Variants in OSBPL10 observed in about 807,000 individuals in gnomAD.
OSBPL10 encodes oxysterol-binding protein-related protein 10.
A neutral mutation model predicts 81.7 loss-of-function variants in OSBPL10; 49 were observed. The ratio of observed to expected loss-of-function variants is 0.60; its 90% CI spans 0.48 to 0.76. OSBPL10 has a LOEUF of 0.76. OSBPL10 is among the 30% of genes least tolerant of loss of function. The probability of loss-of-function intolerance (pLI) is 0.00; values close to 1 mark genes in which losing one functional copy is unlikely to be tolerated. For synonymous variants in OSBPL10, 419 were observed against 383.6 expected, an observed-to-expected ratio of 1.09 and a Z score of -1.08; for missense variants, 923 against 987.8, an observed-to-expected ratio of 0.93 and a Z score of 0.88.
chr3:32,024,883 C>T (rs1164435598), intron 2 of OSBPL10, among the ~76,000 whole-genome samples: 1 of 152,074 alleles, frequency 6.6e-6, no homozygotes, highest in African/African-American at 2.4e-5. Context: ...TTTATTAGTT[C>T]TAGATTTGTG....
chr3:31,728,806 A>C (rs1160373736), intron 6 of OSBPL10, among the ~76,000 whole-genome samples: 1 of 152,216 alleles, frequency 6.6e-6, no homozygotes, highest in South Asian at 2.1e-4. Context: ...ATACAGGTTG[A>C]GTATCCCTCA....
chr3:31,984,217 T>A (rs1698901876), upstream of OSBPL10, among the ~76,000 whole-genome samples: 1 of 152,084 alleles, frequency 6.6e-6, no homozygotes, highest in African/African-American at 2.4e-5. Flanking sequence ...TTTTTTTGTA[T>A]TTTTAGTAGA....
intron 1 of OSBPL10, among the ~76,000 whole-genome samples, chr3:31,966,753 T>A (rs1449213612): frequency 6.6e-6 from 1 of 151,650 alleles, no homozygotes; most frequent in African/African-American, 2.4e-5. Context: ...ACAAACAACC[T>A]GATTGAAATC....
chr3:31,754,901 G>A (rs1220762382), intron 4 of OSBPL10, among the ~76,000 whole-genome samples: 3 of 152,036 alleles, frequency 2.0e-5, no homozygotes, highest in African/African-American at 4.8e-5. Context: ...AGATATTTTG[G>A]TTATTATGTT....
chr3:31,932,650 T>C (rs1697281643), intron 1 of OSBPL10, among the ~76,000 whole-genome samples: 1 of 152,094 alleles, frequency 6.6e-6, no homozygotes. Flanking sequence ...ACACTCCCCA[T>C]GTCACAAAGA....
At chr3:31,698,740 G>A (rs1294759090) in intron 7 of OSBPL10, among the ~76,000 whole-genome samples, 1 of 152,126 alleles carries the variant, frequency 6.6e-6, no homozygotes, top group Non-Finnish European at 1.5e-5. Flanking sequence ...TGCTCACATG[G>A]CTGGCTCCCT....
At chr3:32,018,960 G>A (rs551124770) in intron 2 of OSBPL10, among the ~76,000 whole-genome samples, 1 of 151,982 alleles carries the variant, frequency 6.6e-6, no homozygotes, top group South Asian at 2.1e-4. Flanking sequence ...GATTCACAAG[G>A]GAGAAATGAG....
At chr3:31,817,560 A>ACACCCG (rs1412289880) in intron 4 of OSBPL10, among the ~76,000 whole-genome samples, 3 of 151,670 alleles carry the variant, frequency 2.0e-5, no homozygotes, top group Non-Finnish European at 4.4e-5. Context: ...AGCTGCACCC[A>ACACCCG]CACCCACACC....
upstream of OSBPL10, among the ~76,000 whole-genome samples, chr3:31,986,092 G>A (rs1229820793): frequency 6.6e-6 from 1 of 152,114 alleles, no homozygotes; most frequent in Admixed American, 6.6e-5. Context: ...CTCAGTGCCT[G>A]GAATTCCATT....
chr3:31,712,876 T>G (rs1696305384), intron 6 of OSBPL10, among the ~76,000 whole-genome samples: 1 of 152,158 alleles, frequency 6.6e-6, no homozygotes, highest in South Asian at 2.1e-4. Context: ...GCTTTGTTTT[T>G]CTAATCACTT....
intron 4 of OSBPL10, among the ~76,000 whole-genome samples, chr3:31,749,956 G>A (rs576223623): frequency 1.3e-5 from 2 of 151,864 alleles, no homozygotes; most frequent in African/African-American, 4.8e-5. Flanking sequence ...TAAGGCGGGT[G>A]GATCACTTGA....
At chr3:31,843,848 AGTC>A (rs1397828926) in intron 3 of OSBPL10, among the ~76,000 whole-genome samples, 1 of 152,214 alleles carries the variant, frequency 6.6e-6, no homozygotes, top group African/African-American at 2.4e-5. Flanking sequence ...GTGCTCAGGG[AGTC>A]ACATGTTAAC....
chr3:31,729,361 G>C (rs1373886875), intron 6 of OSBPL10, among the ~76,000 whole-genome samples: 1 of 152,100 alleles, frequency 6.6e-6, no homozygotes, highest in African/African-American at 2.4e-5. Flanking sequence ...ATTTGATATG[G>C]GAATTAGGTG....
intron 3 of OSBPL10, among the ~76,000 whole-genome samples, chr3:31,869,854 T>A (rs914756949): frequency 1.3e-5 from 2 of 152,244 alleles, no homozygotes; most frequent in Non-Finnish European, 2.9e-5. Flanking sequence ...TGGATGAAGC[T>A]CACACTAGTA....
rs1698981679 is a variant in OSBPL10, at chr3:31,988,892, G to T, written n.298+57599C>A. Reference sequence around the variant, plus strand: ...TGACTACAACCCAGAGAGACACTGAGCCAGGAACACCCAGCTGAAGTGCCT... The same window carrying T: ...TGACTACAACCCAGAGAGACACTGATCCAGGAACACCCAGCTGAAGTGCCT... On this transcript the variant is annotated intron_variant and non_coding_transcript_variant, in intron 2 of 3. Coordinates refer to the OSBPL10 transcript ENST00000479173. The T allele has an allele frequency of 4.3e-5, 30 of 693,726 alleles. No individual in the cohort carries two copies. The South Asian group carries it at 5.7e-4, about 13-fold the overall frequency. The allele number at this position is 693,726 out of a possible 1,614,324, so 43.0% of individuals were successfully genotyped here.
At chr3:32,022,970 G>T (rs190430710) in intron 2 of OSBPL10, among the ~76,000 whole-genome samples, 1 of 152,052 alleles carries the variant, frequency 6.6e-6, no homozygotes, top group Admixed American at 6.6e-5. Flanking sequence ...TGTGCCAGTG[G>T]ATCTGTTTGG....
intron 2 of OSBPL10, among the ~76,000 whole-genome samples, chr3:32,042,134 A>G (rs1347047818): frequency 1.3e-5 from 2 of 152,174 alleles, no homozygotes; most frequent in Non-Finnish European, 2.9e-5. Context: ...CAGCTCCACT[A>G]AGGCCTCATA....
Position 31,748,003 on chromosome 3 carries a change from C to A in OSBPL10, c.847G>T (p.Ala283Ser), listed in dbSNP as rs1016493830. The change falls in exon 5 of 12, where the codon GCT becomes TCT. Residue 283 changes from alanine to serine, a missense_variant. This residue lies in a region of OSBPL10 where 514 missense variants were observed against 508.0 expected (regional missense o/e 1.01). Transcript: ENST00000396556. Reference sequence around the variant, plus strand: ...TCCCCAAGGCAGCTGAGGGTGGCAGCAGAGGTAGCTTTCAGGAGCAGCAGG... The same window carrying A: ...TCCCCAAGGCAGCTGAGGGTGGCAGAAGAGGTAGCTTTCAGGAGCAGCAGG... The part of the protein sequence containing the change: ...QDLLLLKATS[A>S]ATLSCLGECL... 3.1e-6 allele frequency: 5 copies of A among 1,614,048 alleles called. No homozygotes were observed. The highest frequency in any genetic ancestry group is 4.2e-6 in the Non-Finnish European group (5 of 1,180,036).
In OSBPL10 at chr3:31,942,994, T is replaced by C. The variant is rs892632750; in HGVS notation, c.281+37905A>G. 3.9e-5 allele frequency among the ~76,000 whole-genome samples: 6 copies of C among 152,346 alleles called. No homozygotes were observed. The East Asian group carries it at 1.2e-3, about 29-fold the overall frequency. On this transcript the variant is annotated intron_variant, in intron 1 of 11. Coordinates refer to ENST00000396556, the MANE Select transcript of OSBPL10 (RefSeq NM_017784.5). ...CAGAGAGAAATTCTGTAACTATCAA[T>C]CAATAACTCCCCATTCCAATCTTTC...
Sources: gnomAD v4.1 joint callset for allele counts (sites outside exome capture counted in the v4.1 genomes callset) on GRCh38, gnomAD v4.1.1 for gene constraint, gnomAD v4.1.1 regional missense constraint, MANE v1.5 for transcripts, NCBI Gene and HGNC (gene_info 2026-07-23, HGNC 2026-07-21) for gene names.